OTX2: variants seen among roughly 807,000 people sequenced by gnomAD.
The protein encoded by OTX2 is orthodenticle homeobox 2.
A neutral mutation model predicts 29.0 loss-of-function variants in OTX2; 4 were observed. The ratio of observed to expected loss-of-function variants is 0.14; its 90% CI spans 0.07 to 0.32. The LOEUF is 0.32. OTX2 is among the 10% of genes least tolerant of loss of function. The probability of loss-of-function intolerance (pLI) is 1.00; values close to 1 mark genes in which losing one functional copy is unlikely to be tolerated. For synonymous variants in OTX2, 134 were observed against 141.0 expected, an observed-to-expected ratio of 0.95 and a Z score of 0.35; for missense variants, 298 against 365.9, an observed-to-expected ratio of 0.81 and a Z score of 1.51.
intron 2 of OTX2, 98 bp downstream of exon 2, chr14:56,810,061 A>G (rs1408828451): frequency 4.6e-5 from 7 of 152,240 alleles, no homozygotes; most frequent in Admixed American, 4.6e-4. Context: ...CCACGTTCGC[A>G]GAGGGGCATC....
intron 2 of OTX2, among the ~76,000 whole-genome samples, chr14:56,809,041 CT>C (rs1051404141): frequency 6.6e-6 from 1 of 152,258 alleles, no homozygotes; most frequent in African/African-American, 2.4e-5. Context: ...CGGCGAACCC[CT>C]CGGCCCCCGC....
At position 56,800,033 on chromosome 14, in the gene OTX2, T is replaced by C. The variant is rs375571389; in HGVS notation, c.*1702A>G. On this transcript the variant is annotated 3_prime_UTR_variant, in exon 5 of 5. Transcript: ENST00000672264. ...TTTTACCTGAGGAGCACCATGATCA[T>C]TGGCCCATTTGTCTTTTCTGGTGAC... is the stretch of plus-strand genomic sequence containing the variant. 1 of 152,238 alleles carries C rather than the reference T, an allele frequency of 6.6e-6. No individual in the cohort carries two copies. The highest frequency in any genetic ancestry group is 1.5e-5 in the Non-Finnish European group (1 of 68,046). 9.4% of individuals were successfully genotyped at this position (152,238 alleles called of 1,614,324 possible).
In OTX2 at chr14:56,805,483, C is replaced by T. The variant is rs757069643; in HGVS notation, c.-27G>A. 1.3e-6 allele frequency: 2 copies of T among 1,503,942 alleles called. No individual in the cohort carries two copies. The highest frequency in any genetic ancestry group is 2.3e-5 in the East Asian group (1 of 44,232). The allele number at this position is 1,503,942 out of a possible 1,614,324, so 93.2% of individuals were successfully genotyped here. A position where few individuals can be genotyped will look rare whatever the true frequency, so the allele number is the denominator to read the frequency against. ...CTAAGGTTGTTTGGAGGTGCAAAGT[C>T]GGCCCAAATCGGGGGTACCCAGCTG... On this transcript the variant is annotated 5_prime_UTR_variant, in exon 3 of 5. Coordinates refer to ENST00000672264, the MANE Select transcript of OTX2 (RefSeq NM_021728.4).
chr14:56,805,532 G>A lies in OTX2; in HGVS notation c.-76C>T. The A allele has an allele frequency of 2.2e-6, 2 of 911,894 alleles. No homozygotes were observed. Among genetic ancestry groups the A allele is most frequent in the Non-Finnish European group, 3.6e-6 (2 of 556,578 alleles). The allele number at this position is 911,894 out of a possible 1,614,324, so 56.5% of individuals were successfully genotyped here. On this transcript the variant is annotated 5_prime_UTR_variant, in exon 3 of 5. Transcript: ENST00000672264. ...TGGAAGATCTTGATGCGCCCGGGGT[G>A]GACAGGTTCAGAGTCCTTGGTGGGT...
Position 56,801,559 on chromosome 14 carries a change from G to T in OTX2, c.*176C>A, listed in dbSNP as rs1891875602. On this transcript the variant is annotated 3_prime_UTR_variant, in exon 5 of 5. Transcript: ENST00000672264. This position sits in a 1 kb window ranked among gnomAD's most constrained non-coding sequence, Gnocchi z 4.2. Reference sequence around the variant, plus strand: ...CAGATTGGTTTGTCCATTTCATGTTGCTGGTTTGTAGGCCCCTCTAAGGCC... The same window carrying T: ...CAGATTGGTTTGTCCATTTCATGTTTCTGGTTTGTAGGCCCCTCTAAGGCC... 3.1e-6 allele frequency: 2 copies of T among 653,622 alleles called. No individual in the cohort carries two copies. The highest frequency in any genetic ancestry group is 5.4e-5 in the Admixed American group (2 of 37,128). 40.5% of individuals were successfully genotyped at this position (653,622 alleles called of 1,614,324 possible).
intron 2 of OTX2, among the ~76,000 whole-genome samples, chr14:56,808,011 G>A (rs1892149610): frequency 6.9e-6 from 1 of 144,958 alleles, no homozygotes; most frequent in African/African-American, 2.5e-5. Flanking sequence ...CCGCAGCCCC[G>A]CAGGCCTGGC....
rs778847365 is a variant in OTX2, at chr14:56,802,359, G to A, written c.274-4C>T. 1.2e-6 allele frequency: 2 copies of A among 1,614,006 alleles called. No homozygotes were observed. The highest frequency in any genetic ancestry group is 1.1e-5 in the South Asian group (1 of 91,076). ...CTCTTCGATTCTTAAACCATACCTTGGAAGGGAAAGAAAATTCTTTAACTC... is the reference window on the plus strand; with the variant it reads ...CTCTTCGATTCTTAAACCATACCTTAGAAGGGAAAGAAAATTCTTTAACTC... On this transcript the variant is annotated splice_region_variant and splice_polypyrimidine_tract_variant and intron_variant, in intron 4 of 4. Coordinates refer to ENST00000672264, the MANE Select transcript of OTX2 (RefSeq NM_021728.4). The surrounding 1 kb of genome is among the most constrained non-coding windows in gnomAD (Gnocchi z 4.4).
chr14:56,804,162 G>C lies in OTX2; in HGVS notation c.273+26C>G. ...CGGGAAGGGTGGCATGATCAGGAAG[G>C]ATGGTTCTGCCTGCATCTGCCCTAC... On this transcript the variant is annotated intron_variant, in intron 4 of 4. Coordinates refer to ENST00000672264, the MANE Select transcript of OTX2 (RefSeq NM_021728.4). This position sits in a 1 kb window ranked among gnomAD's most constrained non-coding sequence, Gnocchi z 4.1. 1 of 1,613,490 alleles carries C rather than the reference G, an allele frequency of 6.2e-7. No homozygotes were observed. Among genetic ancestry groups the C allele is most frequent in the Non-Finnish European group, 8.5e-7 (1 of 1,179,462 alleles).
Position 56,801,996 on chromosome 14 carries a change from T to A in OTX2, c.633A>T (p.Ser211=), listed in dbSNP as rs1257411968. Residue 211 remains serine, a synonymous_variant, in exon 5 of 5, where the codon TCA becomes TCT. Coordinates refer to ENST00000672264, the MANE Select transcript of OTX2 (RefSeq NM_021728.4). This position sits in a 1 kb window ranked among gnomAD's most constrained non-coding sequence, Gnocchi z 4.2. ...TSYFGGMDCG[S]YLTPMHHQLP... ...GCTGGTGATGCATAGGGGTCAAATATGATCCACAGTCCATGCCCCCAAAGT... is the reference window on the plus strand; with the variant it reads ...GCTGGTGATGCATAGGGGTCAAATAAGATCCACAGTCCATGCCCCCAAAGT... 6.2e-7 allele frequency: 1 copy of A among 1,614,176 alleles called. No homozygotes were observed. The highest frequency in any genetic ancestry group is 1.7e-5 in the Admixed American group (1 of 60,026).
intron 2 of OTX2, among the ~76,000 whole-genome samples, chr14:56,806,228 A>T (rs567419595): frequency 6.6e-6 from 1 of 152,330 alleles, no homozygotes; most frequent in South Asian, 2.1e-4. Flanking sequence ...CTATTATTCC[A>T]CATTTGAAGT....
intron 2 of OTX2, among the ~76,000 whole-genome samples, chr14:56,809,318 G>A (rs1892197582): frequency 6.6e-6 from 1 of 152,218 alleles, no homozygotes; most frequent in Admixed American, 6.5e-5. Flanking sequence ...CTTCACGTTC[G>A]CTCGGCCTGG....
chr14:56,805,910 C>T (rs1892076978), intron 2 of OTX2, among the ~76,000 whole-genome samples: 1 of 151,864 alleles, frequency 6.6e-6, no homozygotes, highest in Non-Finnish European at 1.5e-5. Flanking sequence ...ATTCCTATCC[C>T]TACATTTGCA....
Position 56,802,161 on chromosome 14 carries a change from A to G in OTX2, c.468T>C (p.Pro156=). ...TGGAAGCTGGGCTCCAGATAGACAC[A>G]GGAGCACTGCTGCTGGCAATGGTCG... is the stretch of plus-strand genomic sequence containing the variant. ...SVPTIASSSA[P]VSIWSPASIS... Residue 156 remains proline, a synonymous_variant, in exon 5 of 5, where the codon CCT becomes CCC. Transcript: ENST00000672264. The surrounding 1 kb of genome is among the most constrained non-coding windows in gnomAD (Gnocchi z 4.4). 2 of 1,614,120 alleles carry G rather than the reference A, an allele frequency of 1.2e-6. No homozygotes were observed. Among genetic ancestry groups the G allele is most frequent in the Non-Finnish European group, 8.5e-7 (1 of 1,179,942 alleles).
intron 2 of OTX2, among the ~76,000 whole-genome samples, chr14:56,809,646 G>A (rs1261619225): frequency 6.6e-6 from 1 of 152,182 alleles, no homozygotes; most frequent in Admixed American, 6.5e-5. Flanking sequence ...CAAGCGAACC[G>A]AGCTTCCGGC....
In OTX2 at chr14:56,801,572, C is replaced by T. The variant is rs764880954; in HGVS notation, c.*163G>A. 8 of 703,620 alleles carry T rather than the reference C, an allele frequency of 1.1e-5. No individual in the cohort carries two copies. Among genetic ancestry groups the T allele is most frequent in the African/African-American group, 1.8e-5 (1 of 55,696 alleles). 43.6% of individuals were successfully genotyped at this position (703,620 alleles called of 1,614,324 possible). A position where few individuals can be genotyped will look rare whatever the true frequency, so the allele number is the denominator to read the frequency against. ...CCATTTCATGTTGCTGGTTTGTAGG[C>T]CCCTCTAAGGCCCTTCGTTTTTCCT... On this transcript the variant is annotated 3_prime_UTR_variant, in exon 5 of 5. Transcript: ENST00000672264. The surrounding 1 kb of genome is among the most constrained non-coding windows in gnomAD (Gnocchi z 4.2).
At position 56,804,221 on chromosome 14, in the gene OTX2, T is replaced by C; in HGVS notation, c.240A>G (p.Ala80=). The C allele has an allele frequency of 6.2e-7, 1 of 1,614,206 alleles. No individual in the cohort carries two copies. Among genetic ancestry groups the C allele is most frequent in the Non-Finnish European group, 8.5e-7 (1 of 1,180,046 alleles). The part of the protein sequence containing the change: ...YPDIFMREEV[A]LKINLPESRV... ...TCGACTCGGGCAAGTTGATTTTCAG[T>C]GCCACCTCCTCTCGCATGAAGATGT... is the stretch of plus-strand genomic sequence containing the variant. Residue 80 remains alanine, a synonymous_variant, in exon 4 of 5, where the codon GCA becomes GCG. Transcript: ENST00000672264. The surrounding 1 kb of genome is among the most constrained non-coding windows in gnomAD (Gnocchi z 4.1).
At chr14:56,808,875 A>G (rs1298095211) in intron 2 of OTX2, among the ~76,000 whole-genome samples, 1 of 152,208 alleles carries the variant, frequency 6.6e-6, no homozygotes, top group Non-Finnish European at 1.5e-5. Context: ...TTCCAAAAAT[A>G]TGTCCCGAAA....
rs755062154 is a variant in OTX2 at position 56,804,365 on chromosome 14, T to C, written c.98-2A>G. The C allele has an allele frequency of 5.6e-6, 9 of 1,612,510 alleles. No individual in the cohort carries two copies. The South Asian group carries it at 9.9e-5, about 18-fold the overall frequency. On this transcript the variant is annotated splice_acceptor_variant, in intron 3 of 4. Coordinates refer to ENST00000672264, the MANE Select transcript of OTX2 (RefSeq NM_021728.4). LOFTEE classifies it high-confidence loss of function. The surrounding 1 kb of genome is among the most constrained non-coding windows in gnomAD (Gnocchi z 4.1). ...CTGCGGGACAAGAAGCCCAGGGCCC[T>C]TTAGGGTGGGGGAGCAGTTTCTCAG...
At chr14:56,808,240 G>C (rs984694202) in intron 2 of OTX2, among the ~76,000 whole-genome samples, 4 of 152,148 alleles carry the variant, frequency 2.6e-5, no homozygotes, top group African/African-American at 9.7e-5. Context: ...TAATCCGAGG[G>C]GCACACGTCC....
Sources: gnomAD v4.1 joint callset for allele counts (sites outside exome capture counted in the v4.1 genomes callset) on GRCh38, gnomAD v4.1.1 for gene constraint, Gnocchi (gnomAD v3.1) non-coding constraint, MANE v1.5 for transcripts, NCBI Gene and HGNC (gene_info 2026-07-23, HGNC 2026-07-21) for gene names.